The following DHX35 variants were observed in gnomAD, a reference collection of about 807,000 sequenced individuals.
DHX35 encodes probable ATP-dependent RNA helicase DHX35.
DHX35 carries 84 observed loss-of-function variants against 99.6 expected under a neutral mutation model. The ratio of observed to expected loss-of-function variants is 0.84; its 90% CI spans 0.71 to 1.01. The LOEUF (loss-of-function observed/expected upper bound fraction) is 1.01, where lower values mean the gene tolerates loss of function less well. Ranked by LOEUF, DHX35 falls within the 50% of genes least tolerant of loss-of-function variation. DHX35 has a pLI of 0.00. For synonymous variants in DHX35, 331 were observed against 316.2 expected, an observed-to-expected ratio of 1.05 and a Z score of -0.50; for missense variants, 852 against 888.5, an observed-to-expected ratio of 0.96 and a Z score of 0.52.
Position 39,023,758 on chromosome 20 carries a change from A to G in DHX35, c.1662A>G (p.Ala554=), listed in dbSNP as rs534875320. Residue 554 remains alanine (A), a synonymous_variant, in exon 17 of 22, where the codon GCA becomes GCG. Coordinates refer to ENST00000252011, the MANE Select transcript of DHX35 (RefSeq NM_021931.4). ...DHLTMLNIYE[A]FIKHNKDSKW... ...TCACTATGCTCAATATATATGAAGC[A>G]TTTATCAAAGTAAGCACAACTACTG... is the stretch of plus-strand genomic sequence containing the variant. 3.7e-5 allele frequency: 60 copies of G among 1,613,840 alleles called. No individual in the cohort carries two copies. Among genetic ancestry groups the G allele is most frequent in the Non-Finnish European group, 4.6e-5 (54 of 1,179,854 alleles).
intron 13 of DHX35, among the ~76,000 whole-genome samples, chr20:39,012,307 A>G (rs188682764): frequency 6.6e-5 from 10 of 152,348 alleles, no homozygotes; most frequent in African/African-American, 2.2e-4. Flanking sequence ...AAAGCCCCGC[A>G]TGTAAAATTA....
chr20:39,005,205 A>G (rs1249605308), intron 11 of DHX35, among the ~76,000 whole-genome samples: 3 of 152,234 alleles, frequency 2.0e-5, no homozygotes, highest in African/African-American at 7.2e-5. Context: ...TAACTGCTAT[A>G]TATATGTGTC....
At chr20:39,023,583 G>C in intron 16 of DHX35, 107 bp from the exon 17 acceptor site, 1 of 1,029,440 alleles carries the variant, frequency 9.7e-7, no homozygotes, top group Non-Finnish European at 1.5e-6. Context: ...GAACTTCTGG[G>C]TTCAGGCAAT....
chr20:39,037,158 C>T (rs966583780), intron 21 of DHX35, among the ~76,000 whole-genome samples: 1 of 152,210 alleles, frequency 6.6e-6, no homozygotes, highest in East Asian at 1.9e-4. Context: ...CGTCATCTCC[C>T]ATCCCCAAGC....
rs200802642 is a variant in DHX35 at position 39,003,077 on chromosome 20, T to C, written c.852+209T>C. 3.9e-5 allele frequency among the ~76,000 whole-genome samples: 6 copies of C among 152,258 alleles called. No homozygotes were observed. The East Asian group carries it at 1.2e-3, about 29-fold the overall frequency. On this transcript the variant is annotated intron_variant, in intron 10 of 21. Transcript: ENST00000252011. ...CCCTGCCTGTTCTGTCTGCAGAGGG[T>C]TAAATGTTTTTTTAAATGTATTAGC...
At chr20:38,978,272 C>A in intron 3 of DHX35, 1 of 772,218 alleles carries the variant, frequency 1.3e-6, no homozygotes, top group African/African-American at 1.7e-5. Context: ...TTTGCACCAG[C>A]CCCTGAGCTG....
chr20:39,009,805 A>G (rs1239237174), intron 12 of DHX35, among the ~76,000 whole-genome samples: 2 of 152,060 alleles, frequency 1.3e-5, no homozygotes, highest in African/African-American at 4.8e-5. Flanking sequence ...TGGGAATGAT[A>G]TTGTGTACCT....
At chr20:39,013,898 C>T (rs186905552) in intron 13 of DHX35, among the ~76,000 whole-genome samples, 1 of 152,286 alleles carries the variant, frequency 6.6e-6, no homozygotes, top group East Asian at 1.9e-4. Flanking sequence ...TGTACGGTCA[C>T]TACAACTTTT....
chr20:38,994,974 G>T (rs1304628815), intron 8 of DHX35, 94 bp downstream of exon 8: 1 of 1,081,194 alleles, frequency 9.2e-7, no homozygotes, highest in Non-Finnish European at 1.4e-6. Flanking sequence ...CTTATCTTTG[G>T]CAGAATGCCC....
intron 21 of DHX35, among the ~76,000 whole-genome samples, chr20:39,034,927 TA>T (rs545944815): frequency 2.0e-4 from 31 of 152,052 alleles, no homozygotes; most frequent in African/African-American, 7.0e-4. Flanking sequence ...CTGAGCTAAT[TA>T]AAAAAAATTT....
intron 12 of DHX35, among the ~76,000 whole-genome samples, chr20:39,010,024 AC>A (rs1374309318): frequency 3.9e-5 from 6 of 152,214 alleles, no homozygotes; most frequent in Admixed American, 1.3e-4. Context: ...TGTTTTGCTG[AC>A]AAAAAACATT....
At chr20:38,989,588 G>A (rs2086306600) in intron 5 of DHX35, among the ~76,000 whole-genome samples, 1 of 152,122 alleles carries the variant, frequency 6.6e-6, no homozygotes, top group Non-Finnish European at 1.5e-5. Flanking sequence ...CTTTTCTTAT[G>A]TGTATTTTAT....
intron 1 of DHX35, 125 bp from the exon 2 acceptor site, chr20:38,968,956 T>G: frequency 8.7e-7 from 1 of 1,148,906 alleles, no homozygotes; most frequent in African/African-American, 1.6e-5. Context: ...TTGAATACCT[T>G]TGAGTAGTTT....
chr20:39,023,697 T>G lies in DHX35; in HGVS notation c.1601T>G (p.Val534Gly). ...TTGCTTCATTCTTTCCAGATTCGAG[T>G]GCACCGTAAATTTGCTGTGGAGGAG... ...PPNQKSHAIRVHRKFAVEEGD... is the reference protein window; with the variant it reads ...PPNQKSHAIRGHRKFAVEEGD... The change falls in exon 17 of 22, where the codon GTG (valine) becomes GGG (glycine). Residue 534 changes from valine (V) to glycine (G), a missense_variant. By Grantham distance (109) the Val-to-Gly change is moderately radical. Coordinates refer to ENST00000252011, the MANE Select transcript of DHX35 (RefSeq NM_021931.4). 5 of 1,614,008 alleles carry G rather than the reference T, an allele frequency of 3.1e-6. No individual in the cohort carries two copies. Among genetic ancestry groups the G allele is most frequent in the African/African-American group, 1.3e-5 (1 of 75,020 alleles).
At chr20:39,008,553 G>C (rs2086653630) in intron 12 of DHX35, among the ~76,000 whole-genome samples, 1 of 152,182 alleles carries the variant, frequency 6.6e-6, no homozygotes, top group Non-Finnish European at 1.5e-5. Flanking sequence ...GTGGAAGTGG[G>C]GTTGGGGAGG....
intron 4 of DHX35, among the ~76,000 whole-genome samples, chr20:38,987,172 A>G (rs981959523): frequency 6.6e-6 from 1 of 152,180 alleles, no homozygotes; most frequent in East Asian, 1.9e-4. Flanking sequence ...GGAAATCTCT[A>G]TTAATATTGC....
chr20:39,017,473 T>C (rs979228324), intron 14 of DHX35, among the ~76,000 whole-genome samples: 1 of 152,168 alleles, frequency 6.6e-6, no homozygotes, highest in East Asian at 1.9e-4. Flanking sequence ...GGCTGGTTTT[T>C]CTCCAGTCAA....
At position 39,003,926 on chromosome 20, in the gene DHX35, C is replaced by T. The variant is rs1471035228; in HGVS notation, c.1011+19C>T. 6.2e-7 allele frequency: 1 copy of T among 1,611,144 alleles called. No homozygotes were observed. The highest frequency in any genetic ancestry group is 2.2e-5 in the East Asian group (1 of 44,808). On this transcript the variant is annotated intron_variant, in intron 11 of 21. Coordinates refer to ENST00000252011, the MANE Select transcript of DHX35 (RefSeq NM_021931.4). ...CAGAAAGGTGAGACTATCCTGATGACCAAGGGTGTTGGCAGCCGTCTATAA... is the reference window on the plus strand; with the variant it reads ...CAGAAAGGTGAGACTATCCTGATGATCAAGGGTGTTGGCAGCCGTCTATAA...
chr20:39,028,451 C>T lies in DHX35; in HGVS notation c.1835C>T (p.Ser612Phe). The T allele has an allele frequency of 1.9e-6, 3 of 1,614,222 alleles. No individual in the cohort carries two copies. Among genetic ancestry groups the T allele is most frequent in the Non-Finnish European group, 2.5e-6 (3 of 1,180,046 alleles). ...DPDLVLRCIV[S>F]GFFANAARFH... The stretch of plus-strand genomic sequence containing the variant: ...GATCTGGTTCTGAGGTGCATTGTCT[C>T]CGGCTTCTTCGCCAATGCAGCGAGG... Residue 612 changes from serine (S) to phenylalanine (F), a missense_variant, in exon 19 of 22, where the codon TCC (serine) becomes TTC (phenylalanine). Transcript: ENST00000252011.
Sources: allele counts gnomAD v4.1 joint callset (sites outside exome capture counted in the v4.1 genomes callset), GRCh38; gene constraint gnomAD v4.1.1; transcripts MANE v1.5; gene names NCBI Gene and HGNC (gene_info 2026-07-23, HGNC 2026-07-21).